The following ZNF26 variants were observed in gnomAD, a reference collection of about 807,000 sequenced individuals.
ZNF26 encodes zinc finger protein 26.
ZNF26 carries 32 observed loss-of-function variants against 54.9 expected under a neutral mutation model. That is an observed-to-expected ratio of 0.58 (90% CI 0.44 to 0.78). ZNF26 has a LOEUF of 0.78. Ranked by LOEUF, ZNF26 falls within the 30% of genes least tolerant of loss-of-function variation. The pLI is 0.00. For synonymous variants in ZNF26, 221 were observed against 209.2 expected (o/e 1.06, Z -0.49); for missense variants, 524 against 634.0 (o/e 0.83, Z 1.86).
At chr12:132,991,692 A>T (rs755410411) in intron 1 of ZNF26, among the ~76,000 whole-genome samples, 1 of 151,570 alleles carries the variant, frequency 6.6e-6, no homozygotes. Flanking sequence ...AGCCCCAGCT[A>T]CTTGGGAGGT....
Position 133,023,738 on chromosome 12 carries a change from G to A in ZNF26, c.*12257G>A, listed in dbSNP as rs1159992613. 6.6e-6 allele frequency: 1 copy of A among 152,184 alleles called. No individual in the cohort carries two copies. The highest frequency in any genetic ancestry group is 1.5e-5 in the Non-Finnish European group (1 of 68,044). 9.4% of individuals were successfully genotyped at this position (152,184 alleles called of 1,614,324 possible). On this transcript the variant is annotated 3_prime_UTR_variant, in exon 4 of 4. Coordinates refer to ENST00000328654, the MANE Select transcript of ZNF26 (RefSeq NM_019591.4). ...CCCATCCTTTGAGTTTTGTTGGCTT[G>A]TGAGTCACTTGTAGCCAAAAGAATG...
rs1411127879 is a variant in ZNF26, at chr12:132,986,884, A to G, written c.33+11A>G. 30 of 1,603,646 alleles carry G rather than the reference A, an allele frequency of 1.9e-5. No individual in the cohort carries two copies. In the African/African-American group the frequency reaches 3.9e-4, roughly 21 times the overall value. ...ACAGCTTCGTGCTGGGTAAGTAGAGACTTTCCGTGTTTAAAATTCGACTGG... is the reference window on the plus strand; with the variant it reads ...ACAGCTTCGTGCTGGGTAAGTAGAGGCTTTCCGTGTTTAAAATTCGACTGG... On this transcript the variant is annotated intron_variant, in intron 1 of 3. Coordinates refer to ENST00000328654, the MANE Select transcript of ZNF26 (RefSeq NM_019591.4).
intron 1 of ZNF26, among the ~76,000 whole-genome samples, chr12:132,998,189 C>T (rs11147201): frequency 6.1e-5 from 9 of 148,064 alleles, no homozygotes; most frequent in East Asian, 2.0e-4. Context: ...CTTTTTGAGA[C>T]GGAGTCTTGC....
intron 1 of ZNF26, among the ~76,000 whole-genome samples, chr12:133,003,801 G>A (rs1157017277): frequency 6.6e-6 from 1 of 152,184 alleles, no homozygotes; most frequent in Non-Finnish European, 1.5e-5. Flanking sequence ...TAATGCCCGA[G>A]TATTGATGAG....
chr12:133,001,546 G>T lies in ZNF26; in HGVS notation c.34-5496G>T. 1.4e-6 allele frequency: 1 copy of T among 699,410 alleles called. No individual in the cohort carries two copies. The highest frequency in any genetic ancestry group is 2.6e-5 in the Admixed American group (1 of 39,188). The allele number at this position is 699,410 out of a possible 1,614,324, so 43.3% of individuals were successfully genotyped here. A position where few individuals can be genotyped will look rare whatever the true frequency, so the allele number is the denominator to read the frequency against. On this transcript the variant is annotated intron_variant, in intron 1 of 3. Transcript: ENST00000328654. This position sits in a 1 kb window ranked among gnomAD's most constrained non-coding sequence, Gnocchi z 4.7. The stretch of plus-strand genomic sequence containing the variant: ...ACAGGGCTCTGCCCTGCAGTTCCAT[G>T]GTGTATGTGATTCTTTCTCTCACTG...
chr12:133,005,261 G>C (rs1222242272), intron 1 of ZNF26: 1 of 152,148 alleles, frequency 6.6e-6, no homozygotes, highest in African/African-American at 2.4e-5. Context: ...GGAGTGCAGT[G>C]ATGCGATCTT....
Position 132,992,351 on chromosome 12 carries a change from T to C in ZNF26, c.33+5478T>C, listed in dbSNP as rs200156936. Among the ~76,000 whole-genome samples the C allele has an allele frequency of 6.9e-3, 1,051 of 152,276 alleles. 10 individuals carry two copies. The highest frequency in any genetic ancestry group is 9.1e-3 in the Non-Finnish European group (619 of 68,008). ...TAAACACCTTAACTGTTTCACTCCATTTTCTTGCTTGTGTGGTTTCTGTAG... is the reference window on the plus strand; with the variant it reads ...TAAACACCTTAACTGTTTCACTCCACTTTCTTGCTTGTGTGGTTTCTGTAG... On this transcript the variant is annotated intron_variant, in intron 1 of 3. Transcript: ENST00000328654.
rs1251640538 is a variant in ZNF26, at chr12:133,011,474, A to G, written c.1595A>G (p.His532Arg). 1 of 1,539,814 alleles carries G rather than the reference A, an allele frequency of 6.5e-7. No homozygotes were observed. The highest frequency in any genetic ancestry group is 8.7e-7 in the Non-Finnish European group (1 of 1,147,262). ...GGGCTTCGTATACATCGGAAGACTC[A>G]TAAATGAGAAATCAGAATGATGCAA... ...NSGLRIHRKT[H>R]K Residue 532 changes from histidine to arginine, a missense_variant, in exon 4 of 4, where the codon CAT becomes CGT. By Grantham distance (29) the His-to-Arg change is conservative. Coordinates refer to ENST00000328654, the MANE Select transcript of ZNF26 (RefSeq NM_019591.4).
rs1430881025 is a variant in ZNF26, at chr12:133,023,640, C to G, written c.*12159C>G. The G allele has an allele frequency of 4.9e-5, 4 of 81,898 alleles. No individual in the cohort carries two copies. The highest frequency in any genetic ancestry group is 1.1e-4 in the Non-Finnish European group (4 of 36,304). The allele number at this position is 81,898 out of a possible 1,614,324, so 5.1% of individuals were successfully genotyped here. Reference sequence around the variant, plus strand: ...GGCAGATTTTATTTTCTGAAGTGGGCTATGACAGTAGCTTCCATCTCATCT... The same window carrying G: ...GGCAGATTTTATTTTCTGAAGTGGGGTATGACAGTAGCTTCCATCTCATCT... On this transcript the variant is annotated 3_prime_UTR_variant, in exon 4 of 4. Transcript: ENST00000328654.
In ZNF26 at chr12:133,010,238, A is replaced by G. The variant is rs1436664702; in HGVS notation, c.359A>G (p.His120Arg). The G allele has an allele frequency of 6.2e-7, 1 of 1,614,098 alleles. No individual in the cohort carries two copies. The highest frequency in any genetic ancestry group is 8.5e-7 in the Non-Finnish European group (1 of 1,180,014). The change falls in exon 4 of 4, where the codon CAT (histidine) becomes CGT (arginine). Residue 120 changes from histidine to arginine, a missense_variant. Transcript: ENST00000328654. ...VLGRLNLSKT[H>R]DSSRQRLYNT... Reference sequence around the variant, plus strand: ...GGAAGACTTAATCTGAGCAAAACCCATGATTCTTCAAGACAGAGACTCTAT... The same window carrying G: ...GGAAGACTTAATCTGAGCAAAACCCGTGATTCTTCAAGACAGAGACTCTAT...
intron 3 of ZNF26, among the ~76,000 whole-genome samples, chr12:133,007,843 T>C (rs1009679468): frequency 1.4e-4 from 22 of 152,198 alleles, no homozygotes; most frequent in African/African-American, 4.8e-4. Context: ...TCGAGACCTT[T>C]AGAGGATTTC....
Position 133,026,838 on chromosome 12 carries a change from TATAA to T in ZNF26, c.*15365_*15368del, listed in dbSNP as rs1478003581. 1.3e-5 allele frequency: 2 copies of T among 152,352 alleles called. No individual in the cohort carries two copies. The highest frequency in any genetic ancestry group is 1.9e-4 in the East Asian group (1 of 5,182). 9.4% of individuals were successfully genotyped at this position (152,352 alleles called of 1,614,324 possible). On this transcript the variant is annotated 3_prime_UTR_variant, in exon 4 of 4. Coordinates refer to ENST00000328654, the MANE Select transcript of ZNF26 (RefSeq NM_019591.4). ...CATTGCATCTGGCCTAGTTCAACTT[TATAA>T]ATAAATATGTCAAAGATAATTCAAT... is the stretch of plus-strand genomic sequence containing the variant.
chr12:132,995,527 C>T (rs1387163570), intron 1 of ZNF26, among the ~76,000 whole-genome samples: 2 of 151,994 alleles, frequency 1.3e-5, no homozygotes, highest in Admixed American at 6.6e-5. Context: ...TCTGGATCAT[C>T]TGTGCATCTT....
At chr12:132,998,986 A>C (rs1343046453) in intron 1 of ZNF26, among the ~76,000 whole-genome samples, 1 of 152,228 alleles carries the variant, frequency 6.6e-6, no homozygotes, top group Non-Finnish European at 1.5e-5. Flanking sequence ...TAAATAACTC[A>C]GAAAGATTCT....
intron 1 of ZNF26, among the ~76,000 whole-genome samples, chr12:132,999,400 G>A (rs1251258421): frequency 1.1e-4 from 17 of 151,084 alleles, no homozygotes; most frequent in East Asian, 4.0e-4. Context: ...GGATACAGGC[G>A]CCCACCACCA....
Position 132,986,738 on chromosome 12 carries a change from G to C in ZNF26, c.-103G>C. The C allele has an allele frequency of 7.6e-7, 1 of 1,321,258 alleles. No homozygotes were observed. Among genetic ancestry groups the C allele is most frequent in the East Asian group, 2.5e-5 (1 of 39,752 alleles). The allele number at this position is 1,321,258 out of a possible 1,614,324, so 81.8% of individuals were successfully genotyped here. A position where few individuals can be genotyped will look rare whatever the true frequency, so the allele number is the denominator to read the frequency against. ...GGCCCCGGGACGGTCAGGAGCCTGGGGCCCTGGTCCCGCACCTGTCTTCGG... is the reference window on the plus strand; with the variant it reads ...GGCCCCGGGACGGTCAGGAGCCTGGCGCCCTGGTCCCGCACCTGTCTTCGG... On this transcript the variant is annotated 5_prime_UTR_variant, in exon 1 of 4. Transcript: ENST00000328654.
At chr12:133,007,790 G>A (rs1953364164) in intron 3 of ZNF26, among the ~76,000 whole-genome samples, 1 of 152,104 alleles carries the variant, frequency 6.6e-6, no homozygotes, top group East Asian at 1.9e-4. Flanking sequence ...TTTGCTTTTG[G>A]GTAAGTTTCC....
intron 1 of ZNF26, chr12:132,995,406 T>G (rs973142244): frequency 1.3e-5 from 2 of 152,024 alleles, no homozygotes; most frequent in Admixed American, 1.3e-4. Context: ...TTTTTTTTTT[T>G]TAATTCCAGT....
chr12:132,998,451 C>T (rs994226980), intron 1 of ZNF26, among the ~76,000 whole-genome samples: 1 of 152,132 alleles, frequency 6.6e-6, no homozygotes, highest in African/African-American at 2.4e-5. Context: ...AGGCATAAGC[C>T]ACTGCTCTCG....
Sources: allele counts gnomAD v4.1 joint callset (sites outside exome capture counted in the v4.1 genomes callset), GRCh38; gene constraint gnomAD v4.1.1; non-coding constraint Gnocchi (gnomAD v3.1); transcripts MANE v1.5; gene names NCBI Gene and HGNC (gene_info 2026-07-23, HGNC 2026-07-21).